The following CSMD3 variants were observed in gnomAD, a reference collection of about 807,000 sequenced individuals.
The protein encoded by CSMD3 is CUB and Sushi multiple domains 3.
In CSMD3, 177 loss-of-function variants were observed where a neutral mutation model predicts 435.2. That is an observed-to-expected ratio of 0.41 (90% CI 0.36 to 0.46). The LOEUF is 0.46. Ranked by LOEUF, CSMD3 falls within the 20% of genes least tolerant of loss-of-function variation. The pLI, the probability that CSMD3 is intolerant of heterozygous loss-of-function variation, is 0.34. For synonymous variants in CSMD3, 1,656 were observed against 1,520.5 expected (o/e 1.09, Z -2.07); for missense variants, 4,265 against 4,504.6 (o/e 0.95, Z 1.52).
chr8:113,400,270 A>G (rs1211322389), intron 1 of CSMD3, among the ~76,000 whole-genome samples: 1 of 151,972 alleles, frequency 6.6e-6, no homozygotes, highest in African/African-American at 2.4e-5. Flanking sequence ...AGAAAAACAT[A>G]AAATTCACAA....
intron 7 of CSMD3, among the ~76,000 whole-genome samples, chr8:112,971,929 C>T (rs547401835): frequency 2.7e-4 from 41 of 151,960 alleles, no homozygotes; most frequent in African/African-American, 9.4e-4. Flanking sequence ...TGGAATGGTA[C>T]CCTATAAAGA....
At chr8:112,435,083 T>C (rs1814173001) in intron 32 of CSMD3, among the ~76,000 whole-genome samples, 1 of 152,022 alleles carries the variant, frequency 6.6e-6, no homozygotes, top group African/African-American at 2.4e-5. Context: ...GCACTGAAGA[T>C]TTTGCAGGGG....
intron 47 of CSMD3, among the ~76,000 whole-genome samples, chr8:112,318,062 T>A (rs541990833): frequency 6.6e-5 from 10 of 152,022 alleles, no homozygotes; most frequent in Non-Finnish European, 1.3e-4. Flanking sequence ...TCATTCAAGG[T>A]CTATCTTTGC....
chr8:113,059,419 T>C (rs572751666), intron 5 of CSMD3, among the ~76,000 whole-genome samples: 4 of 152,278 alleles, frequency 2.6e-5, no homozygotes, highest in South Asian at 4.1e-4. Flanking sequence ...CTTACTTCCC[T>C]AGTTTACAAT....
At chr8:113,102,389 C>CT (rs1588077388) in intron 4 of CSMD3, among the ~76,000 whole-genome samples, 1 of 152,058 alleles carries the variant, frequency 6.6e-6, no homozygotes, top group African/African-American at 2.4e-5. Flanking sequence ...TGAGATCTTC[C>CT]AAGTGCCAGG....
In CSMD3 at chr8:112,265,391, T is replaced by C. The variant is rs781013568; in HGVS notation, c.9688+20A>G. 6.4e-7 allele frequency: 1 copy of C among 1,574,556 alleles called. No individual in the cohort carries two copies. Among genetic ancestry groups the C allele is most frequent in the African/African-American group, 1.3e-5 (1 of 74,146 alleles). On this transcript the variant is annotated intron_variant, in intron 60 of 70. Transcript: ENST00000297405. Reference sequence around the variant, plus strand: ...TGTACTGGTTACCATTTTTAAATGTTGAAGAAATCATTATCATACCTCTAC... The same window carrying C: ...TGTACTGGTTACCATTTTTAAATGTCGAAGAAATCATTATCATACCTCTAC...
chr8:113,247,268 C>G (rs2093285707), intron 3 of CSMD3, among the ~76,000 whole-genome samples: 1 of 152,114 alleles, frequency 6.6e-6, no homozygotes, highest in African/African-American at 2.4e-5. Context: ...AGTTCTGGCT[C>G]AGGTCAAAGA....
At chr8:113,316,618 C>T (rs1486082232) in intron 1 of CSMD3, among the ~76,000 whole-genome samples, 8 of 151,058 alleles carry the variant, frequency 5.3e-5, no homozygotes, top group Admixed American at 5.3e-4. Context: ...GGCGTGATCT[C>T]GGCTCACTGC....
chr8:112,854,736 A>G (rs2080596737), intron 11 of CSMD3, among the ~76,000 whole-genome samples: 1 of 152,216 alleles, frequency 6.6e-6, no homozygotes, highest in Non-Finnish European at 1.5e-5. Context: ...ACAGAATCTT[A>G]AAACCCGAGT....
At chr8:112,577,795 C>T (rs1301671681) in intron 23 of CSMD3, among the ~76,000 whole-genome samples, 1 of 152,004 alleles carries the variant, frequency 6.6e-6, no homozygotes, top group Non-Finnish European at 1.5e-5. Flanking sequence ...CAACAAACTA[C>T]TTATCAACAC....
chr8:113,337,389 G>A (rs546839301), intron 1 of CSMD3, among the ~76,000 whole-genome samples: 342 of 152,170 alleles, frequency 2.2e-3, no homozygotes, highest in African/African-American at 7.9e-3. Context: ...AAATTTAATT[G>A]AGAAAATATA....
At chr8:112,540,247 C>T (rs939224802) in intron 27 of CSMD3, among the ~76,000 whole-genome samples, 2 of 151,774 alleles carry the variant, frequency 1.3e-5, no homozygotes, top group African/African-American at 4.8e-5. Flanking sequence ...TTATCTCACG[C>T]CAGTTAAAAT....
At chr8:112,949,832 G>A (rs982111184) in intron 8 of CSMD3, among the ~76,000 whole-genome samples, 1 of 151,812 alleles carries the variant, frequency 6.6e-6, no homozygotes, top group Non-Finnish European at 1.5e-5. Context: ...TTGTCTGTTC[G>A]CTGTTCTGCA....
chr8:112,280,104 C>G (rs1818478143), intron 59 of CSMD3, among the ~76,000 whole-genome samples: 1 of 152,134 alleles, frequency 6.6e-6, no homozygotes, highest in African/African-American at 2.4e-5. Context: ...CAATACAAGG[C>G]CATGCCTTCT....
chr8:112,637,263 A>G (rs963782314), intron 21 of CSMD3, among the ~76,000 whole-genome samples: 6 of 152,104 alleles, frequency 3.9e-5, no homozygotes, highest in South Asian at 4.1e-4. Flanking sequence ...TAATAAATTA[A>G]AAAATAGCTA....
intron 32 of CSMD3, among the ~76,000 whole-genome samples, chr8:112,409,337 T>C (rs1191436344): frequency 6.6e-6 from 1 of 152,040 alleles, no homozygotes; most frequent in Non-Finnish European, 1.5e-5. Flanking sequence ...TAATACTTTA[T>C]AGTAACTACT....
At chr8:113,214,739 T>C (rs1364505066) in intron 3 of CSMD3, among the ~76,000 whole-genome samples, 3 of 151,866 alleles carry the variant, frequency 2.0e-5, no homozygotes, top group Admixed American at 6.6e-5. Context: ...AATAAAGATA[T>C]ACTCACACTA....
chr8:113,296,529 A>T (rs189523570), intron 2 of CSMD3, among the ~76,000 whole-genome samples: 22 of 152,176 alleles, frequency 1.4e-4, no homozygotes, highest in Admixed American at 5.9e-4. Context: ...GTCTCAAAAA[A>T]AACCCAACCA....
chr8:112,892,937 G>A (rs1342361455), intron 10 of CSMD3, among the ~76,000 whole-genome samples: 1 of 151,458 alleles, frequency 6.6e-6, no homozygotes, highest in Non-Finnish European at 1.5e-5. Context: ...AACTGGCAAA[G>A]AGCAGATTTA....
Sources: gnomAD v4.1 joint callset for allele counts (sites outside exome capture counted in the v4.1 genomes callset) on GRCh38, gnomAD v4.1.1 for gene constraint, MANE v1.5 for transcripts, NCBI Gene and HGNC (gene_info 2026-07-23, HGNC 2026-07-21) for gene names.